WDHD1: variants seen among roughly 807,000 people sequenced by gnomAD.
WDHD1 encodes WD repeat and HMG-box DNA binding protein 1.
WDHD1 carries 111 observed loss-of-function variants against 135.4 expected under a neutral mutation model. The ratio of observed to expected loss-of-function variants is 0.82; its 90% confidence interval spans 0.70 to 0.96. The LOEUF is 0.96. WDHD1 is among the 40% of genes least tolerant of loss of function. WDHD1 has a pLI of 0.00. For synonymous variants in WDHD1, 434 were observed against 439.0 expected (o/e 0.99, Z 0.14); for missense variants, 1,351 against 1,336.3 (o/e 1.01, Z -0.17).
chr14:54,974,333 G>T (rs753260937), intron 16 of WDHD1, among the ~76,000 whole-genome samples: 1 of 151,744 alleles, frequency 6.6e-6, no homozygotes, highest in Non-Finnish European at 1.5e-5. Context: ...CTCGGAAGGC[G>T]GAGGACGGAG....
intron 21 of WDHD1, among the ~76,000 whole-genome samples, chr14:54,961,167 A>G (rs2041245662): frequency 6.6e-6 from 1 of 151,946 alleles, no homozygotes. Context: ...CTTAAAACCT[A>G]CAACAGTCTC....
intron 10 of WDHD1, 106 bp from the exon 11 acceptor site, chr14:54,995,919 G>A: frequency 1.3e-6 from 1 of 787,168 alleles, no homozygotes; most frequent in Non-Finnish European, 1.9e-6. Flanking sequence ...CTACCAAGCA[G>A]CAAACTCACT....
intron 2 of WDHD1, among the ~76,000 whole-genome samples, chr14:55,021,136 T>C (rs1240376066): frequency 1.3e-5 from 2 of 152,162 alleles, no homozygotes; most frequent in Non-Finnish European, 2.9e-5. Context: ...CCTTTTTAAT[T>C]TCTCTAAAAA....
Position 54,944,139 on chromosome 14 carries a change from A to G in WDHD1, c.3189+193T>C, listed in dbSNP as rs148854813. Among the ~76,000 whole-genome samples the G allele has an allele frequency of 7.2e-3, 1,086 of 151,212 alleles. 53 individuals are homozygous for G. The highest frequency in any genetic ancestry group is 0.064 in the Admixed American group (964 of 15,176). ...TATTATCTTTGTTGTTGTTATTATT[A>G]TTATTAGAGACGATGTCTCACTATG... On this transcript the variant is annotated intron_variant, in intron 25 of 25. Coordinates refer to ENST00000360586, the MANE Select transcript of WDHD1 (RefSeq NM_007086.4).
At chr14:55,013,443 C>A in intron 3 of WDHD1, 42 bp downstream of exon 3, 1 of 1,326,714 alleles carries the variant, frequency 7.5e-7, no homozygotes. Context: ...AAATCACATG[C>A]CAGTATCATT....
chr14:55,026,049 G>A (rs2042432329), intron 2 of WDHD1, among the ~76,000 whole-genome samples: 1 of 152,144 alleles, frequency 6.6e-6, no homozygotes, highest in South Asian at 2.1e-4. Context: ...ATTAATTTGT[G>A]TTCAATGCCT....
rs78884146 is a variant in WDHD1, at chr14:54,985,732, T to C, written c.1769-872A>G. On this transcript the variant is annotated intron_variant, in intron 14 of 25. Coordinates refer to ENST00000360586, the MANE Select transcript of WDHD1 (RefSeq NM_007086.4). ...TACTATGACAGTCCAAGAGATGACA[T>C]CCAGGTTGTATTAGCAGAAGAAATG... 9.1e-3 allele frequency among the ~76,000 whole-genome samples: 1,380 copies of C among 152,272 alleles called. 17 individuals carry two copies. Among genetic ancestry groups the C allele is most frequent in the African/African-American group, 0.031 (1,286 of 41,540 alleles).
intron 2 of WDHD1, among the ~76,000 whole-genome samples, chr14:55,014,023 C>A (rs1452681179): frequency 6.6e-6 from 1 of 152,186 alleles, no homozygotes; most frequent in African/African-American, 2.4e-5. Flanking sequence ...TCATTTTATA[C>A]ACTTAAACTT....
At chr14:55,005,142 G>A (rs893648336) in intron 7 of WDHD1, 18 of 535,134 alleles carry the variant, frequency 3.4e-5, no homozygotes, top group Admixed American at 5.9e-5. Context: ...CCACACATGC[G>A]AACTTCCTGG....
chr14:54,989,117 T>C lies in WDHD1; in HGVS notation c.1437A>G (p.Thr479=). The C allele has an allele frequency of 6.2e-7, 1 of 1,613,820 alleles. No individual in the cohort carries two copies. The highest frequency in any genetic ancestry group is 8.5e-7 in the Non-Finnish European group (1 of 1,179,838). Residue 479 remains threonine (T), a synonymous_variant, in exon 13 of 26, where the codon ACA becomes ACG. Coordinates refer to ENST00000360586, the MANE Select transcript of WDHD1 (RefSeq NM_007086.4). ...TATAATTCAAAGTGTTTGATAAGTG[T>C]GTTGCATGGTGTATGGAGGTATCAT... ...EFHDTSIHHA[T]HLSNTLNYTI...
At chr14:54,998,466 A>G (rs1816652762) in intron 10 of WDHD1, among the ~76,000 whole-genome samples, 1 of 152,018 alleles carries the variant, frequency 6.6e-6, no homozygotes, top group Non-Finnish European at 1.5e-5. Flanking sequence ...TGTTTTTACC[A>G]ATGTTACACA....
At chr14:54,960,877 G>A (rs2041240622) in intron 21 of WDHD1, among the ~76,000 whole-genome samples, 1 of 152,126 alleles carries the variant, frequency 6.6e-6, no homozygotes, top group African/African-American at 2.4e-5. Flanking sequence ...ATAGCCTACT[G>A]CACCCTCGAA....
intron 16 of WDHD1, among the ~76,000 whole-genome samples, chr14:54,969,152 C>G (rs1337343752): frequency 6.6e-6 from 1 of 152,112 alleles, no homozygotes; most frequent in Admixed American, 6.5e-5. Context: ...AATTCTCCTG[C>G]CTCAGCCTCC....
intron 16 of WDHD1, among the ~76,000 whole-genome samples, chr14:54,974,239 T>C (rs560013571): frequency 4.6e-4 from 70 of 152,040 alleles, no homozygotes; most frequent in African/African-American, 1.6e-3. Context: ...TCGGGCTACA[T>C]AGCAAAACCT....
chr14:54,945,229 C>T (rs1171975180), intron 24 of WDHD1, among the ~76,000 whole-genome samples: 1 of 152,172 alleles, frequency 6.6e-6, no homozygotes, highest in Non-Finnish European at 1.5e-5. Flanking sequence ...TTAGGTGAAG[C>T]ACGGACACAG....
At chr14:55,005,192 T>A in intron 7 of WDHD1, 1 of 540,496 alleles carries the variant, frequency 1.9e-6, no homozygotes, top group Non-Finnish European at 3.6e-6. Context: ...GTGAGCTCCC[T>A]TGCTGTTGCA....
intron 16 of WDHD1, among the ~76,000 whole-genome samples, chr14:54,971,436 G>C (rs1595080128): frequency 1.3e-5 from 2 of 152,068 alleles, no homozygotes; most frequent in African/African-American, 4.8e-5. Flanking sequence ...AATTATCCAG[G>C]TGTGGTGGCA....
chr14:54,989,345 T>A, intron 12 of WDHD1, 133 bp from the exon 13 acceptor site: 1 of 575,422 alleles, frequency 1.7e-6, no homozygotes, highest in Non-Finnish European at 2.9e-6. Context: ...AGTTACTACA[T>A]CTCATCTATC....
chr14:54,978,582 C>A (rs2041564935), intron 16 of WDHD1, among the ~76,000 whole-genome samples: 1 of 149,370 alleles, frequency 6.7e-6, no homozygotes, highest in Non-Finnish European at 1.5e-5. Context: ...GATACCCTGG[C>A]TCTAAAAAAA....
Sources: allele counts gnomAD v4.1 joint callset (sites outside exome capture counted in the v4.1 genomes callset), GRCh38; gene constraint gnomAD v4.1.1; transcripts MANE v1.5; gene names NCBI Gene and HGNC (gene_info 2026-07-23, HGNC 2026-07-21).